Variants in RNF121 observed in about 807,000 individuals in gnomAD.
RNF121 encodes E3 ubiquitin ligase RNF121.
In RNF121, 21 loss-of-function variants were observed where a neutral mutation model predicts 46.5. The observed-to-expected ratio is 0.45, with a 90% CI of 0.32 to 0.65. The LOEUF (loss-of-function observed/expected upper bound fraction) is 0.65. RNF121 is among the 30% of genes least tolerant of loss of function. RNF121 has a pLI of 0.04. For missense variants in RNF121, 346 were observed against 416.0 expected, an observed-to-expected ratio of 0.83 and a Z score of 1.46; for synonymous variants, 139 against 144.7, an observed-to-expected ratio of 0.96 and a Z score of 0.28.
At chr11:71,964,302 T>A (rs1252989348) in intron 3 of RNF121, among the ~76,000 whole-genome samples, 5 of 152,206 alleles carry the variant, frequency 3.3e-5, no homozygotes, top group Non-Finnish European at 7.3e-5. Context: ...ATTTCCTTTT[T>A]GAATTATTCA....
intron 3 of RNF121, among the ~76,000 whole-genome samples, chr11:71,976,988 T>C (rs1954538942): frequency 6.6e-6 from 1 of 152,222 alleles, no homozygotes; most frequent in African/African-American, 2.4e-5. Context: ...TGTCCACAGT[T>C]GGGAGGTTCT....
chr11:71,992,336 T>C (rs1236406333), intron 6 of RNF121, among the ~76,000 whole-genome samples: 3 of 152,224 alleles, frequency 2.0e-5, no homozygotes, highest in Non-Finnish European at 4.4e-5. Flanking sequence ...GAAGCTTTCA[T>C]ACTTGCTTTG....
intron 1 of RNF121, among the ~76,000 whole-genome samples, chr11:71,941,237 G>A (rs796302776): frequency 1.6e-4 from 24 of 152,300 alleles, no homozygotes; most frequent in African/African-American, 5.3e-4. Context: ...GAGATGATGC[G>A]GACCTGAGCT....
chr11:71,992,194 A>C (rs1033232726), intron 6 of RNF121, among the ~76,000 whole-genome samples: 1 of 152,240 alleles, frequency 6.6e-6, no homozygotes, highest in Admixed American at 6.5e-5. Flanking sequence ...CCATATTGGT[A>C]ATTGTTTTTG....
intron 5 of RNF121, among the ~76,000 whole-genome samples, chr11:71,990,124 C>G (rs1454747171): frequency 2.0e-5 from 3 of 152,202 alleles, no homozygotes; most frequent in African/African-American, 7.2e-5. Context: ...GTCTCTGCAC[C>G]AGTGACACCC....
At chr11:71,951,717 C>T (rs781779261) in intron 1 of RNF121, among the ~76,000 whole-genome samples, 2 of 148,882 alleles carry the variant, frequency 1.3e-5, no homozygotes, top group Non-Finnish European at 3.0e-5. Flanking sequence ...GGCCAAAGAA[C>T]ACATGAAAAG....
intron 1 of RNF121, among the ~76,000 whole-genome samples, chr11:71,930,439 G>C (rs1183328984): frequency 6.6e-6 from 1 of 152,180 alleles, no homozygotes; most frequent in East Asian, 1.9e-4. Flanking sequence ...TGGATTACCT[G>C]ATTGGGATCA....
At chr11:71,940,159 T>C (rs566832974) in intron 1 of RNF121, among the ~76,000 whole-genome samples, 4 of 152,370 alleles carry the variant, frequency 2.6e-5, no homozygotes, top group African/African-American at 9.6e-5. Flanking sequence ...TCACTAATGA[T>C]ATATTTACTG....
chr11:71,988,854 A>G (rs1164590461), intron 5 of RNF121, among the ~76,000 whole-genome samples: 3 of 152,094 alleles, frequency 2.0e-5, no homozygotes, highest in African/African-American at 7.2e-5. Flanking sequence ...ATCCTATTTT[A>G]TATAGTGAGA....
At chr11:71,989,186 T>C (rs1255616942) in intron 5 of RNF121, among the ~76,000 whole-genome samples, 1 of 152,132 alleles carries the variant, frequency 6.6e-6, no homozygotes, top group East Asian at 1.9e-4. Flanking sequence ...GGTCAAATGA[T>C]TCTCCTGCCT....
chr11:71,932,988 A>T (rs567009420), intron 1 of RNF121, among the ~76,000 whole-genome samples: 1 of 152,286 alleles, frequency 6.6e-6, no homozygotes, highest in South Asian at 2.1e-4. Flanking sequence ...ACTGGCCATG[A>T]TGACTGCCTA....
chr11:71,956,678 A>T (rs563880034), intron 1 of RNF121, among the ~76,000 whole-genome samples: 4 of 152,314 alleles, frequency 2.6e-5, no homozygotes, highest in African/African-American at 9.6e-5. Flanking sequence ...GTCTCCCACT[A>T]ATCCTGATTC....
intron 8 of RNF121, 38 bp from the exon 9 acceptor site, chr11:71,996,157 C>G: frequency 6.2e-7 from 1 of 1,612,118 alleles, no homozygotes; most frequent in South Asian, 1.1e-5. Flanking sequence ...CTCCTGGCAG[C>G]TCTTGCACAG....
intron 6 of RNF121, among the ~76,000 whole-genome samples, chr11:71,994,043 TGTTA>T (rs1410825008): frequency 6.6e-6 from 1 of 152,136 alleles, no homozygotes; most frequent in Non-Finnish European, 1.5e-5. Context: ...GGTTTCACTG[TGTTA>T]GTTAGGATGC....
chr11:71,942,021 C>T (rs1953581503), intron 1 of RNF121, among the ~76,000 whole-genome samples: 1 of 150,704 alleles, frequency 6.6e-6, no homozygotes, highest in African/African-American at 2.4e-5. Context: ...CAAGCTCCGC[C>T]TCCTGGGTTC....
At chr11:71,971,020 A>G (rs1381988646) in intron 3 of RNF121, among the ~76,000 whole-genome samples, 4 of 152,234 alleles carry the variant, frequency 2.6e-5, no homozygotes, top group Non-Finnish European at 5.9e-5. Flanking sequence ...ATTTGTACAT[A>G]ATACTGAATA....
intron 4 of RNF121, among the ~76,000 whole-genome samples, chr11:71,984,905 A>C (rs998262555): frequency 1.4e-5 from 2 of 145,594 alleles, no homozygotes; most frequent in South Asian, 4.6e-4. Context: ...AACATTTGAT[A>C]GTGCTTTACA....
At chr11:71,987,443 G>A (rs559627650) in intron 5 of RNF121, among the ~76,000 whole-genome samples, 5 of 152,182 alleles carry the variant, frequency 3.3e-5, no homozygotes, top group African/African-American at 4.8e-5. Context: ...TGTTTTTCTC[G>A]TCAGTGTGTA....
intron 6 of RNF121, among the ~76,000 whole-genome samples, chr11:71,993,880 G>A (rs1208257807): frequency 1.5e-5 from 2 of 132,510 alleles, no homozygotes; most frequent in Admixed American, 1.7e-4. Context: ...TCGGTCTGTT[G>A]CCCAGGCTGG....
Sources: gnomAD v4.1 joint callset for allele counts (sites outside exome capture counted in the v4.1 genomes callset) on GRCh38, gnomAD v4.1.1 for gene constraint, MANE v1.5 for transcripts, NCBI Gene and HGNC (gene_info 2026-07-23, HGNC 2026-07-21) for gene names.